ELF2: variants seen among roughly 807,000 people sequenced by gnomAD.
ELF2 encodes the protein E74 like ETS transcription factor 2, also known as ETS-related transcription factor Elf-2.
In ELF2, 11 loss-of-function variants were observed where a neutral mutation model predicts 54.8. That is an observed-to-expected ratio of 0.20 (90% CI 0.13 to 0.33). ELF2 has a LOEUF of 0.33. ELF2 is among the 10% of genes least tolerant of loss of function. The pLI, the probability that ELF2 is intolerant of heterozygous loss-of-function variation, is 1.00. For synonymous variants in ELF2, 203 were observed against 245.1 expected (o/e 0.83, Z 1.61); for missense variants, 513 against 703.0 (o/e 0.73, Z 3.06).
chr4:139,169,229 TC>T (rs1270250556), intron 1 of ELF2, among the ~76,000 whole-genome samples: 16 of 151,306 alleles, frequency 1.1e-4, no homozygotes, highest in Non-Finnish European at 7.4e-5. Flanking sequence ...AGGCCTGTAG[TC>T]CCAGGTACGT....
chr4:139,077,404 G>T (rs567592039), intron 4 of ELF2, among the ~76,000 whole-genome samples: 5 of 152,242 alleles, frequency 3.3e-5, no homozygotes, highest in African/African-American at 1.2e-4. Context: ...AGCATGTTAA[G>T]AGGAACACTG....
chr4:139,061,127 A>C (rs1727781883), intron 8 of ELF2, among the ~76,000 whole-genome samples: 1 of 152,154 alleles, frequency 6.6e-6, no homozygotes, highest in Non-Finnish European at 1.5e-5. Flanking sequence ...TAATTAGAAG[A>C]AGCCATGTAC....
chr4:139,085,483 G>A (rs1731880406), intron 4 of ELF2, among the ~76,000 whole-genome samples: 1 of 152,224 alleles, frequency 6.6e-6, no homozygotes, highest in Admixed American at 6.5e-5. Context: ...GTTTTCAGTG[G>A]TAATATTAAT....
chr4:139,172,263 T>A (rs1742380739), intron 1 of ELF2, among the ~76,000 whole-genome samples: 1 of 152,220 alleles, frequency 6.6e-6, no homozygotes, highest in African/African-American at 2.4e-5. Flanking sequence ...AATCTCCCCT[T>A]ACCTACAGCT....
intron 1 of ELF2, among the ~76,000 whole-genome samples, chr4:139,140,223 CT>C (rs940571304): frequency 6.6e-6 from 1 of 152,170 alleles, no homozygotes; most frequent in Non-Finnish European, 1.5e-5. Context: ...AGACATGTTC[CT>C]GCTATGTCAC....
At chr4:139,103,440 C>T (rs1734116047) in intron 4 of ELF2, among the ~76,000 whole-genome samples, 1 of 152,146 alleles carries the variant, frequency 6.6e-6, no homozygotes, top group South Asian at 2.1e-4. Flanking sequence ...AGTCAACCAC[C>T]AATAGCCAAT....
chr4:139,084,441 C>CGGCGGCAGGGGCAGG, intron 4 of ELF2: 7 of 1,062,608 alleles, frequency 6.6e-6, no homozygotes, highest in Admixed American at 5.2e-5. Context: ...GGGGCAGGGG[C>CGGCGGCAGGGGCAGG]GGCGGCGGCG....
At chr4:139,075,930 C>T (rs111866657) in intron 4 of ELF2, among the ~76,000 whole-genome samples, 2 of 152,076 alleles carry the variant, frequency 1.3e-5, no homozygotes, top group Non-Finnish European at 2.9e-5. Context: ...AAGATGTCCC[C>T]TAAAGGAACT....
rs111528495 is a variant in ELF2, at chr4:139,130,332, A to G, written c.73-5003T>C. Among the ~76,000 whole-genome samples the G allele has an allele frequency of 8.1e-3, 1,234 of 152,344 alleles. 19 individuals are homozygous for G. Among genetic ancestry groups the G allele is most frequent in the African/African-American group, 0.028 (1,178 of 41,572 alleles). The stretch of plus-strand genomic sequence containing the variant: ...CTGTTGTTTAAGCAACCTAGTTTAC[A>G]GTACTTTGTTACAGCAACCCCAAGA... On this transcript the variant is annotated intron_variant, in intron 3 of 9. Coordinates refer to ENST00000686138, the MANE Select transcript of ELF2 (RefSeq NM_001331036.3).
intron 3 of ELF2, among the ~76,000 whole-genome samples, chr4:139,131,962 T>C (rs1239330107): frequency 6.6e-6 from 1 of 152,012 alleles, no homozygotes; most frequent in Admixed American, 6.6e-5. Flanking sequence ...AGGAGGAAAA[T>C]GAGCCATAGA....
chr4:139,110,174 A>G (rs1734822177), intron 4 of ELF2, among the ~76,000 whole-genome samples: 1 of 152,198 alleles, frequency 6.6e-6, no homozygotes, highest in African/African-American at 2.4e-5. Context: ...AGAAGAAAAA[A>G]CTACCTAATC....
intron 4 of ELF2, among the ~76,000 whole-genome samples, chr4:139,074,485 G>A (rs1729987852): frequency 1.3e-5 from 2 of 151,904 alleles, no homozygotes; most frequent in African/African-American, 4.8e-5. Flanking sequence ...ATTGCAGGGG[G>A]GCCGGGTGTG....
chr4:139,077,765 G>A (rs1457926872), intron 4 of ELF2, among the ~76,000 whole-genome samples: 2 of 152,114 alleles, frequency 1.3e-5, no homozygotes, highest in African/African-American at 2.4e-5. Flanking sequence ...ATCAAAGTAA[G>A]CAAGCTACAA....
chr4:139,136,233 T>C (rs994213912), intron 3 of ELF2, among the ~76,000 whole-genome samples: 3 of 152,112 alleles, frequency 2.0e-5, no homozygotes, highest in Non-Finnish European at 4.4e-5. Flanking sequence ...GGGAAGAAAG[T>C]ATGTTCTGCA....
chr4:139,134,549 ATTGT>A (rs1389123399), intron 3 of ELF2, among the ~76,000 whole-genome samples: 1 of 149,120 alleles, frequency 6.7e-6, no homozygotes, highest in African/African-American at 2.5e-5. Context: ...ATTGTATTGT[ATTGT>A]TTTATTTTAT....
intron 8 of ELF2, 149 bp downstream of exon 8, chr4:139,061,716 C>T (rs1578656598): frequency 2.5e-6 from 2 of 802,028 alleles, no homozygotes; most frequent in East Asian, 5.6e-5. Flanking sequence ...CTCCTATCTC[C>T]CCACCTACTT....
At chr4:139,152,881 T>C (rs1029513293) in intron 1 of ELF2, among the ~76,000 whole-genome samples, 1 of 145,520 alleles carries the variant, frequency 6.9e-6, no homozygotes, top group African/African-American at 2.6e-5. Context: ...TCAATAACAA[T>C]AGTGTCATAC....
chr4:139,097,816 G>A (rs1733445976), intron 4 of ELF2, among the ~76,000 whole-genome samples: 1 of 151,972 alleles, frequency 6.6e-6, no homozygotes, highest in African/African-American at 2.4e-5. Context: ...TTTTTAGAGA[G>A]AAGGTCTAGC....
At chr4:139,099,636 C>T (rs1733664463) in intron 4 of ELF2, among the ~76,000 whole-genome samples, 1 of 152,170 alleles carries the variant, frequency 6.6e-6, no homozygotes, top group Non-Finnish European at 1.5e-5. Flanking sequence ...AATTCTGGAA[C>T]CCATTTCATA....
Sources: allele counts gnomAD v4.1 joint callset (sites outside exome capture counted in the v4.1 genomes callset), GRCh38; gene constraint gnomAD v4.1.1; transcripts MANE v1.5; gene names NCBI Gene and HGNC (gene_info 2026-07-23, HGNC 2026-07-21).